The following GMEB2 variants were observed in gnomAD, a reference collection of about 807,000 sequenced individuals.
The protein encoded by GMEB2 is glucocorticoid modulatory element-binding protein 2.
A neutral mutation model predicts 45.7 loss-of-function variants in GMEB2; 7 were observed. That is an observed-to-expected ratio of 0.15 (90% confidence interval 0.09 to 0.29). The LOEUF (loss-of-function observed/expected upper bound fraction) is 0.29, where lower values mean the gene tolerates loss of function less well. Among genes scored for constraint, GMEB2 ranks in the 10% least tolerant of loss-of-function variants. The pLI, the probability that GMEB2 is intolerant of heterozygous loss-of-function variation, is 1.00. For synonymous variants in GMEB2, 322 were observed against 323.6 expected (o/e 1.00, Z 0.05); for missense variants, 582 against 739.2 (o/e 0.79, Z 2.47).
At chr20:63,602,391 G>A (rs929241005) in intron 4 of GMEB2, among the ~76,000 whole-genome samples, 1 of 152,200 alleles carries the variant, frequency 6.6e-6, no homozygotes, top group African/African-American at 2.4e-5. Flanking sequence ...CCTGGGCTTT[G>A]TCTTCTGATC....
chr20:63,601,329 GA>G (rs1372460657), intron 4 of GMEB2, among the ~76,000 whole-genome samples: 1 of 152,124 alleles, frequency 6.6e-6, no homozygotes, highest in East Asian at 1.9e-4. Context: ...AAAGTTCTCA[GA>G]CTCTCTCTCC....
chr20:63,595,170 G>A (rs952396727), intron 6 of GMEB2, among the ~76,000 whole-genome samples: 2 of 152,172 alleles, frequency 1.3e-5, no homozygotes, highest in African/African-American at 4.8e-5. Context: ...CCAAGTGGCA[G>A]GAATACCTGC....
rs571607746 is a variant in GMEB2, at chr20:63,616,109, T to C, written c.131+3158A>G. On this transcript the variant is annotated intron_variant, in intron 2 of 9. Coordinates refer to ENST00000370077, the MANE Select transcript of GMEB2 (RefSeq NM_012384.5). ...AATAAAAATGGTTATATTTAATTTT[T>C]TAAAGGCTGTACAAACTTCCTGATA... Among the ~76,000 whole-genome samples, 179 of 152,324 alleles carry C rather than the reference T, an allele frequency of 1.2e-3. 1 individual carries two copies. Among genetic ancestry groups the C allele is most frequent in the South Asian group, 7.9e-3 (38 of 4,824 alleles).
intron 6 of GMEB2, among the ~76,000 whole-genome samples, chr20:63,594,597 C>T (rs1443016299): frequency 1.3e-5 from 2 of 152,212 alleles, no homozygotes; most frequent in Admixed American, 1.3e-4. Flanking sequence ...CCTGGGCCAA[C>T]AACAAGGACG....
At chr20:63,621,108 G>T (rs1157831364) in intron 1 of GMEB2, among the ~76,000 whole-genome samples, 3 of 152,206 alleles carry the variant, frequency 2.0e-5, no homozygotes, top group Non-Finnish European at 2.9e-5. Context: ...GGGGCTGGAG[G>T]ATCGTTTGAG....
At position 63,604,199 on chromosome 20, in the gene GMEB2, T is replaced by TG. The variant is rs1248803887; in HGVS notation, c.229+543dup. On this transcript the variant is annotated intron_variant, in intron 3 of 9. Coordinates refer to ENST00000370077, the MANE Select transcript of GMEB2 (RefSeq NM_012384.5). The stretch of plus-strand genomic sequence containing the variant: ...TGGGCAACAGTGGGACCCTATTTCT[T>TG]GAAAAAAAAAAAAAAAAAAAGTTTT... Among the ~76,000 whole-genome samples the TG allele has an allele frequency of 2.8e-4, 12 of 42,992 alleles. 1 individual carries two copies. The highest frequency in any genetic ancestry group is 2.2e-3 in the East Asian group (7 of 3,190). The allele number at this position is 42,992 out of a possible 152,430, so 28.2% of individuals were successfully genotyped here. A position where few individuals can be genotyped will look rare whatever the true frequency, so the allele number is the denominator to read the frequency against.
chr20:63,615,762 C>T (rs555570998), intron 2 of GMEB2, among the ~76,000 whole-genome samples: 2 of 152,306 alleles, frequency 1.3e-5, no homozygotes, highest in South Asian at 2.1e-4. Context: ...GCTGGGAACG[C>T]GAGGGGCACG....
At chr20:63,620,641 G>A (rs1601035446) in intron 1 of GMEB2, among the ~76,000 whole-genome samples, 1 of 152,196 alleles carries the variant, frequency 6.6e-6, no homozygotes, top group Non-Finnish European at 1.5e-5. Context: ...GCGCATATGG[G>A]ACAGATCCAC....
At chr20:63,614,793 T>TC (rs1478751864) in intron 2 of GMEB2, among the ~76,000 whole-genome samples, 2 of 152,062 alleles carry the variant, frequency 1.3e-5, no homozygotes, top group African/African-American at 2.4e-5. Flanking sequence ...CTCTCTCCTC[T>TC]CTCTCTGCCT....
chr20:63,621,252 T>G (rs1402399772), intron 1 of GMEB2, among the ~76,000 whole-genome samples: 1 of 150,990 alleles, frequency 6.6e-6, no homozygotes, highest in Admixed American at 6.6e-5. Flanking sequence ...GGGGAGGGAG[T>G]ACAGGGAGTT....
chr20:63,593,380 T>C lies in GMEB2; in HGVS notation c.620-298A>G, dbSNP rs2083166894. On this transcript the variant is annotated intron_variant, in intron 6 of 9. Coordinates refer to ENST00000370077, the MANE Select transcript of GMEB2 (RefSeq NM_012384.5). This position sits in a 1 kb window ranked among gnomAD's most constrained non-coding sequence, Gnocchi z 4.7. ...CTTTCCTCCTCTTGTCCATTTACGA[T>C]TGTACTCAACAAGCACTTTCGACTG... 6.6e-6 allele frequency among the ~76,000 whole-genome samples: 1 copy of C among 152,108 alleles called. No individual in the cohort carries two copies. Among genetic ancestry groups the C allele is most frequent in the African/African-American group, 2.4e-5 (1 of 41,502 alleles).
At position 63,597,983 on chromosome 20, in the gene GMEB2, C is replaced by T. The variant is rs181989337; in HGVS notation, c.358-123G>A. 407 of 667,462 alleles carry T rather than the reference C, an allele frequency of 6.1e-4. 2 individuals carry two copies. In the African/African-American group the frequency reaches 6.3e-3, roughly 10 times the overall value. The allele number at this position is 667,462 out of a possible 1,614,324, so 41.3% of individuals were successfully genotyped here. On this transcript the variant is annotated intron_variant, in intron 4 of 9. Coordinates refer to ENST00000370077, the MANE Select transcript of GMEB2 (RefSeq NM_012384.5). Reference sequence around the variant, plus strand: ...AAAAGCGCCACGGCACGGCTCTGACCGGTGCAGGCCTCCTACAGAGCATTC... The same window carrying T: ...AAAAGCGCCACGGCACGGCTCTGACTGGTGCAGGCCTCCTACAGAGCATTC...
At chr20:63,590,901 G>A (rs953232532) in intron 9 of GMEB2, among the ~76,000 whole-genome samples, 172 bp from the exon 10 acceptor site, 1 of 152,170 alleles carries the variant, frequency 6.6e-6, no homozygotes, top group African/African-American at 2.4e-5. Context: ...CAAAGGTGAG[G>A]TCTGTGGGAG....
At chr20:63,602,022 G>C (rs1012255523) in intron 4 of GMEB2, among the ~76,000 whole-genome samples, 2 of 151,752 alleles carry the variant, frequency 1.3e-5, no homozygotes, top group Non-Finnish European at 2.9e-5. Context: ...GCTTCTGTGG[G>C]GCCTGTGGCT....
chr20:63,594,414 C>A (rs560709714), intron 6 of GMEB2, among the ~76,000 whole-genome samples: 121 of 152,316 alleles, frequency 7.9e-4, no homozygotes, highest in Non-Finnish European at 1.1e-3. Context: ...CTCTACCCAG[C>A]CCCTCTGACC....
intron 2 of GMEB2, among the ~76,000 whole-genome samples, chr20:63,614,525 C>G (rs2089594417): frequency 6.6e-6 from 1 of 152,194 alleles, no homozygotes; most frequent in Non-Finnish European, 1.5e-5. Flanking sequence ...AAGAGAGTCT[C>G]CCTTTCCCCG....
In GMEB2 at chr20:63,592,196, C is replaced by T. The variant is rs376144186; in HGVS notation, c.830-52G>A. The stretch of plus-strand genomic sequence containing the variant: ...GAGAGCCCAAGCCCTTCCTAGAGAG[C>T]CACGCGGACGCTCGGTGAGAGCCCG... On this transcript the variant is annotated intron_variant, in intron 8 of 9. Transcript: ENST00000370077. This position sits in a 1 kb window ranked among gnomAD's most constrained non-coding sequence, Gnocchi z 8.2. 2 of 1,570,162 alleles carry T rather than the reference C, an allele frequency of 1.3e-6. No homozygotes were observed. Among genetic ancestry groups the T allele is most frequent in the Admixed American group, 1.7e-5 (1 of 57,198 alleles).
rs1601034567 is a variant in GMEB2 at position 63,619,650 on chromosome 20, G to GT, written c.-57-197dup. 3 of 334,940 alleles carry GT rather than the reference G, an allele frequency of 9.0e-6. No homozygotes were observed. The highest frequency in any genetic ancestry group is 2.1e-5 in the African/African-American group (1 of 46,706). The allele number at this position is 334,940 out of a possible 1,614,324, so 20.7% of individuals were successfully genotyped here. A position where few individuals can be genotyped will look rare whatever the true frequency, so the allele number is the denominator to read the frequency against. On this transcript the variant is annotated intron_variant, in intron 1 of 9. Transcript: ENST00000370077. This position sits in a 1 kb window ranked among gnomAD's most constrained non-coding sequence, Gnocchi z 4.6. ...AGGGCGGTGTAAGCGCACTCCACCC[G>GT]TTTTTCCCACTGGATAAGCCGAAAC...
intron 2 of GMEB2, among the ~76,000 whole-genome samples, chr20:63,611,238 C>T: frequency 6.6e-6 from 1 of 152,248 alleles, no homozygotes; most frequent in Non-Finnish European, 1.5e-5. Flanking sequence ...CATCCCAGAC[C>T]CGGCTCTTGT....
Sources: gnomAD v4.1 joint callset for allele counts (sites outside exome capture counted in the v4.1 genomes callset) on GRCh38, gnomAD v4.1.1 for gene constraint, Gnocchi (gnomAD v3.1) non-coding constraint, MANE v1.5 for transcripts, NCBI Gene and HGNC (gene_info 2026-07-23, HGNC 2026-07-21) for gene names.